PLEKHA6: variants seen among roughly 807,000 people sequenced by gnomAD.
PLEKHA6 encodes pleckstrin homology domain containing A6.
Under a neutral mutation model 116.7 loss-of-function variants are expected in PLEKHA6, and 60 were observed. That is an observed-to-expected ratio of 0.51 (90% confidence interval 0.42 to 0.64). The LOEUF (loss-of-function observed/expected upper bound fraction) is 0.64, where lower values mean the gene tolerates loss of function less well. Among genes scored for constraint, PLEKHA6 ranks in the 30% least tolerant of loss-of-function variants. PLEKHA6 has a pLI of 0.00. For synonymous variants in PLEKHA6, 489 were observed against 556.1 expected (o/e 0.88, Z 1.70); for missense variants, 1,338 against 1,422.7 (o/e 0.94, Z 0.96).
chr1:204,320,518 T>C (rs1030045777), intron 1 of PLEKHA6: 1 of 979,716 alleles, frequency 1.0e-6, no homozygotes, highest in Non-Finnish European at 1.2e-6. Flanking sequence ...GGGAAACAAC[T>C]AGAAACCATA....
upstream of PLEKHA6, among the ~76,000 whole-genome samples, chr1:204,363,675 G>C (rs536689375): frequency 6.1e-4 from 93 of 152,314 alleles, no homozygotes; most frequent in African/African-American, 2.2e-3. Context: ...TACATAGCTA[G>C]ATCTTTAAGC....
At chr1:204,326,083 G>C (rs1167414473) in intron 1 of PLEKHA6, 2 of 163,700 alleles carry the variant, frequency 1.2e-5, no homozygotes, top group Non-Finnish European at 2.5e-5. Context: ...CTCCTAAGCT[G>C]CTTTGTGAGG....
chr1:204,259,282 AC>A lies in PLEKHA6; in HGVS notation c.982del (p.Val328TyrfsTer172), dbSNP rs773765509. On this transcript the variant is annotated frameshift_variant, in exon 8 of 23. Coordinates refer to ENST00000272203, the MANE Select transcript of PLEKHA6 (RefSeq NM_014935.5). LOFTEE classifies it high-confidence loss of function. The surrounding 1 kb of genome is among the most constrained non-coding windows in gnomAD (Gnocchi z 4.6). The stretch of plus-strand genomic sequence containing the variant: ...CCTCCGAAGGTCTTCAGGCGGGGGT[AC>A]CCCCCGGCGCAGATTCACCCACTGC... ...LQQWVNLRRGVPPPEDLRSPS... is the reference protein window; with the variant it reads ...LQQWVNLRRGXPPPEDLRSPS... 2.5e-6 allele frequency: 4 copies of A among 1,613,766 alleles called. No individual in the cohort carries two copies. Among genetic ancestry groups the A allele is most frequent in the Non-Finnish European group, 8.5e-7 (1 of 1,179,866 alleles).
At chr1:204,325,857 TG>T in intron 1 of PLEKHA6, 1 of 971,272 alleles carries the variant, frequency 1.0e-6, no homozygotes, top group Non-Finnish European at 1.2e-6. Flanking sequence ...GAACAAGGGG[TG>T]GAAGGGCAGC....
At chr1:204,232,401 G>C (rs1020403963) in intron 17 of PLEKHA6, among the ~76,000 whole-genome samples, 2 of 152,188 alleles carry the variant, frequency 1.3e-5, no homozygotes, top group Non-Finnish European at 2.9e-5. Context: ...CCTAGAGAGA[G>C]GGTCAAGGAT....
chr1:204,265,741 C>G (rs1436749896), intron 5 of PLEKHA6, among the ~76,000 whole-genome samples: 1 of 152,198 alleles, frequency 6.6e-6, no homozygotes, highest in Non-Finnish European at 1.5e-5. Context: ...CTGCTTTGCC[C>G]TTTTCTGCTG....
In PLEKHA6 at chr1:204,316,927, G is replaced by A. The variant is rs770987942; in HGVS notation, c.-94-42118C>T. Among the ~76,000 whole-genome samples, 69 of 152,122 alleles carry A rather than the reference G, an allele frequency of 4.5e-4. 1 individual carries two copies. The highest frequency in any genetic ancestry group is 8.5e-4 in the Non-Finnish European group (58 of 68,006). ...ATGATGAACCCCAGACAGATAAAGC[G>A]GCCTCCTCGTATCCACTCCTTAAAC... is the stretch of plus-strand genomic sequence containing the variant. On this transcript the variant is annotated intron_variant, in intron 1 of 22. Coordinates refer to ENST00000272203, the MANE Select transcript of PLEKHA6 (RefSeq NM_014935.5).
intron 10 of PLEKHA6, among the ~76,000 whole-genome samples, chr1:204,250,125 G>A (rs1210635577): frequency 6.6e-6 from 1 of 152,168 alleles, no homozygotes; most frequent in African/African-American, 2.4e-5. Flanking sequence ...GAAGCTCCCT[G>A]AAGCCAGGGG....
At chr1:204,251,477 AC>A (rs1032286017) in intron 9 of PLEKHA6, 3 of 696,656 alleles carry the variant, frequency 4.3e-6, no homozygotes, top group Admixed American at 2.0e-5. Context: ...TCGACCATGC[AC>A]AAGCAGCTGA....
At position 204,241,766 on chromosome 1, in the gene PLEKHA6, G is replaced by A; in HGVS notation, c.2221C>T (p.Pro741Ser). The change falls in exon 16 of 23, where the codon CCC (proline) becomes TCC (serine). Residue 741 changes from proline (P) to serine (S), a missense_variant. Physicochemically the swap from Pro to Ser is moderately conservative, Grantham distance 74. Coordinates refer to ENST00000272203, the MANE Select transcript of PLEKHA6 (RefSeq NM_014935.5). Reference sequence around the variant, plus strand: ...CTGATGTCTCTGGGGGTGTCCAGGGGCAATGTCTGGTGGGGGTCTTTCTTG... The same window carrying A: ...CTGATGTCTCTGGGGGTGTCCAGGGACAATGTCTGGTGGGGGTCTTTCTTG... The part of the protein sequence containing the change: ...QSKKDPHQTL[P>S]LDTPRDISLV... The A allele has an allele frequency of 6.2e-7, 1 of 1,613,956 alleles. No individual in the cohort carries two copies. The highest frequency in any genetic ancestry group is 8.5e-7 in the Non-Finnish European group (1 of 1,179,808).
At chr1:204,302,417 T>A (rs1028713328) in intron 1 of PLEKHA6, among the ~76,000 whole-genome samples, 2 of 152,244 alleles carry the variant, frequency 1.3e-5, no homozygotes, top group African/African-American at 4.8e-5. Context: ...GATTAACGCC[T>A]TCTTCCTTCT....
intron 1 of PLEKHA6, among the ~76,000 whole-genome samples, chr1:204,321,624 T>C (rs2103226713): frequency 6.6e-6 from 1 of 152,190 alleles, no homozygotes; most frequent in East Asian, 1.9e-4. Context: ...AGCCACTTTT[T>C]ACTTCCACCC....
At chr1:204,243,555 C>T (rs1422496557) in intron 15 of PLEKHA6, among the ~76,000 whole-genome samples, 2 of 152,182 alleles carry the variant, frequency 1.3e-5, no homozygotes, top group African/African-American at 4.8e-5. Context: ...CAGGCAGCTC[C>T]TCTCCCACCC....
Position 204,237,510 on chromosome 1 carries a change from G to A in PLEKHA6, c.2409+3865C>T, listed in dbSNP as rs187243521. Among the ~76,000 whole-genome samples, 3 of 152,316 alleles carry A rather than the reference G, an allele frequency of 2.0e-5. No individual in the cohort carries two copies. In the East Asian group the frequency reaches 5.8e-4, roughly 29 times the overall value. Reference sequence around the variant, plus strand: ...CCTGTGCAGAAGACTCATGGATCTTGGAGAATGACAATGGATTATTGTGAG... The same window carrying A: ...CCTGTGCAGAAGACTCATGGATCTTAGAGAATGACAATGGATTATTGTGAG... On this transcript the variant is annotated intron_variant, in intron 17 of 22. Transcript: ENST00000272203.
chr1:204,303,259 A>T (rs935584783), intron 1 of PLEKHA6, among the ~76,000 whole-genome samples: 2 of 152,158 alleles, frequency 1.3e-5, no homozygotes, highest in African/African-American at 2.4e-5. Context: ...CTTTGCCCTG[A>T]GAAAGCTCGA....
intron 1 of PLEKHA6, among the ~76,000 whole-genome samples, chr1:204,349,203 C>G (rs1449720038): frequency 6.6e-6 from 1 of 152,182 alleles, no homozygotes. Flanking sequence ...CACCTGGGAT[C>G]TGTTTGGATC....
At chr1:204,260,179 C>T (rs1001438353) in intron 7 of PLEKHA6, among the ~76,000 whole-genome samples, 7 of 152,164 alleles carry the variant, frequency 4.6e-5, no homozygotes, top group African/African-American at 9.7e-5. Flanking sequence ...AGGCTTGTCA[C>T]GGGGCAGCTG....
intron 1 of PLEKHA6, among the ~76,000 whole-genome samples, chr1:204,374,389 G>A (rs1673829867): frequency 6.6e-6 from 1 of 152,182 alleles, no homozygotes; most frequent in Admixed American, 6.5e-5. Flanking sequence ...GGCTGCCTCT[G>A]CTACCTAGCC....
intron 21 of PLEKHA6, among the ~76,000 whole-genome samples, chr1:204,226,918 C>A (rs945595605): frequency 6.6e-6 from 1 of 152,220 alleles, no homozygotes; most frequent in Non-Finnish European, 1.5e-5. Flanking sequence ...ACCACTACTA[C>A]GGCACGCGAG....
Sources: gnomAD v4.1 joint callset for allele counts (sites outside exome capture counted in the v4.1 genomes callset) on GRCh38, gnomAD v4.1.1 for gene constraint, Gnocchi (gnomAD v3.1) non-coding constraint, MANE v1.5 for transcripts, NCBI Gene and HGNC (gene_info 2026-07-23, HGNC 2026-07-21) for gene names.